Variants in SHC2 observed in about 807,000 individuals in gnomAD.
SHC2 encodes SHC adaptor protein 2, also known as SHC-transforming protein 2.
A neutral mutation model predicts 60.6 loss-of-function variants in SHC2; 62 were observed. That is an observed-to-expected ratio of 1.02 (90% CI 0.83 to 1.26). The LOEUF (loss-of-function observed/expected upper bound fraction) is 1.26, where lower values mean the gene tolerates loss of function less well. Ranked by LOEUF, SHC2 falls within the 50% of genes most tolerant of loss-of-function variation. The pLI is 0.00. For synonymous variants in SHC2, 375 were observed against 372.4 expected, an observed-to-expected ratio of 1.01 and a Z score of -0.08; for missense variants, 873 against 822.2, an observed-to-expected ratio of 1.06 and a Z score of -0.76.
intron 2 of SHC2, among the ~76,000 whole-genome samples, chr19:439,741 T>C (rs1249189739): frequency 6.6e-6 from 1 of 151,776 alleles, no homozygotes; most frequent in Admixed American, 6.6e-5. Context: ...CACAAACAAA[T>C]GCATGCAGGC....
In SHC2 at chr19:441,932, T is replaced by C. The variant is rs1600304610; in HGVS notation, c.469-1000A>G. ...TCAGCCTGAGGGCTTCTGAGGTGTG[T>C]ACAGGTCACTGTGTGGGCCGGCCCA... On this transcript the variant is annotated intron_variant, in intron 1 of 12. Transcript: ENST00000264554. This position sits in a 1 kb window ranked among gnomAD's most constrained non-coding sequence, Gnocchi z 4.9. 1.3e-5 allele frequency among the ~76,000 whole-genome samples: 2 copies of C among 152,244 alleles called. No individual in the cohort carries two copies. Among genetic ancestry groups the C allele is most frequent in the African/African-American group, 4.8e-5 (2 of 41,468 alleles).
At chr19:439,360 G>C in intron 2 of SHC2, 1 of 403,554 alleles carries the variant, frequency 2.5e-6, no homozygotes, top group Non-Finnish European at 4.6e-6. Flanking sequence ...CCAGGGACCA[G>C]TGTGTCCCTG....
Position 422,939 on chromosome 19 carries a change from G to A in SHC2, c.1310-483C>T. 1 of 162,718 alleles carries A rather than the reference G, an allele frequency of 6.1e-6. No individual in the cohort carries two copies. Among genetic ancestry groups the A allele is most frequent in the Non-Finnish European group, 1.3e-5 (1 of 74,796 alleles). The allele number at this position is 162,718 out of a possible 1,614,324, so 10.1% of individuals were successfully genotyped here. Reference sequence around the variant, plus strand: ...ACGGCTTCCAACAATGCCAACATCCGACAGGCCACTCTAAGGCTCTCCTCT... The same window carrying A: ...ACGGCTTCCAACAATGCCAACATCCAACAGGCCACTCTAAGGCTCTCCTCT... On this transcript the variant is annotated intron_variant, in intron 10 of 12. Transcript: ENST00000264554. This position sits in a 1 kb window ranked among gnomAD's most constrained non-coding sequence, Gnocchi z 5.0.
In SHC2 at chr19:436,320, G is replaced by A. The variant is rs554132327; in HGVS notation, c.827-29C>T. On this transcript the variant is annotated intron_variant, in intron 6 of 12. Transcript: ENST00000264554. Reference sequence around the variant, plus strand: ...CGGGCACGTTGGTCATGCAGCCTCCGAGCCACACGGCCGTGCCCCCCAGCC... The same window carrying A: ...CGGGCACGTTGGTCATGCAGCCTCCAAGCCACACGGCCGTGCCCCCCAGCC... 7.3e-5 allele frequency: 116 copies of A among 1,587,700 alleles called. No individual in the cohort carries two copies. In the African/African-American group the frequency reaches 7.8e-4, roughly 11 times the overall value.
chr19:422,565 C>T lies in SHC2; in HGVS notation c.1310-109G>A, dbSNP rs1172657028. On this transcript the variant is annotated intron_variant, in intron 10 of 12. Transcript: ENST00000264554. This position sits in a 1 kb window ranked among gnomAD's most constrained non-coding sequence, Gnocchi z 5.0. ...CCCGGGGAGTCCCTCGTGCACCCGT[C>T]GGCCTGCGCTGACCGAGCGCCCACA... 5.2e-5 allele frequency: 47 copies of T among 911,638 alleles called. No individual in the cohort carries two copies. The highest frequency in any genetic ancestry group is 8.8e-5 in the Admixed American group (3 of 34,254). The allele number at this position is 911,638 out of a possible 1,614,324, so 56.5% of individuals were successfully genotyped here. A position where few individuals can be genotyped will look rare whatever the true frequency, so the allele number is the denominator to read the frequency against.
At position 438,646 on chromosome 19, in the gene SHC2, C is replaced by T; in HGVS notation, c.720+72G>A. ...CCTGCTGCCCGCCCCCAGCACCCCA[C>T]CTGGCTTTGCCTCCTAGGACTCCTG... On this transcript the variant is annotated intron_variant, in intron 4 of 12. Transcript: ENST00000264554. This position sits in a 1 kb window ranked among gnomAD's most constrained non-coding sequence, Gnocchi z 5.0. 6.7e-7 allele frequency: 1 copy of T among 1,501,674 alleles called. No individual in the cohort carries two copies. The highest frequency in any genetic ancestry group is 1.2e-5 in the South Asian group (1 of 80,902). 93.0% of individuals were successfully genotyped at this position (1,501,674 alleles called of 1,614,324 possible). A position where few individuals can be genotyped will look rare whatever the true frequency, so the allele number is the denominator to read the frequency against.
chr19:430,778 T>A, intron 8 of SHC2, 31 bp from the exon 9 acceptor site: 1 of 1,605,906 alleles, frequency 6.2e-7, no homozygotes, highest in East Asian at 2.2e-5. Flanking sequence ...GGTTCCCCGG[T>A]GTGTGCAAGC....
intron 5 of SHC2, 40 bp downstream of exon 5, chr19:436,590 G>T (rs568172318): frequency 2.5e-6 from 4 of 1,594,512 alleles, no homozygotes; most frequent in Non-Finnish European, 8.5e-7. Context: ...GCCGGAGGGG[G>T]GCGGCAGGGC....
In SHC2 at chr19:425,948, G is replaced by C. The variant is rs1162642903; in HGVS notation, c.1175-717C>G. The stretch of plus-strand genomic sequence containing the variant: ...GGAGGCTGAGGCATGAGAATCACTT[G>C]AATTCAGGACGCACAGATTGCAGTG... On this transcript the variant is annotated intron_variant, in intron 9 of 12. Coordinates refer to ENST00000264554, the MANE Select transcript of SHC2 (RefSeq NM_012435.3). This position sits in a 1 kb window ranked among gnomAD's most constrained non-coding sequence, Gnocchi z 4.1. 1.3e-5 allele frequency among the ~76,000 whole-genome samples: 2 copies of C among 149,718 alleles called. No homozygotes were observed. Among genetic ancestry groups the C allele is most frequent in the Non-Finnish European group, 1.5e-5 (1 of 67,782 alleles).
chr19:428,904 A>C (rs1351316945), intron 9 of SHC2, among the ~76,000 whole-genome samples: 1 of 148,526 alleles, frequency 6.7e-6, no homozygotes, highest in East Asian at 2.0e-4. Flanking sequence ...CAGTACCTAT[A>C]TCCCAACATG....
At chr19:421,047 CAAGAAAGAAAGAAAGGA>C (rs1460491289) in intron 11 of SHC2, among the ~76,000 whole-genome samples, 1 of 147,242 alleles carries the variant, frequency 6.8e-6, no homozygotes, top group Non-Finnish European at 1.5e-5. Context: ...GAGACTCCAT[CAAGAAAGAAAGAAAGGA>C]AAGGAAGAAA....
In SHC2 at chr19:445,760, G is replaced by A. The variant is rs1204382450; in HGVS notation, c.469-4828C>T. On this transcript the variant is annotated intron_variant, in intron 1 of 12. Transcript: ENST00000264554. This position sits in a 1 kb window ranked among gnomAD's most constrained non-coding sequence, Gnocchi z 4.4. ...CTTAAAAAACACATTTTTGCCGGGCGCGGTGGCTCACGCCTGTAATCCCAG... is the reference window on the plus strand; with the variant it reads ...CTTAAAAAACACATTTTTGCCGGGCACGGTGGCTCACGCCTGTAATCCCAG... Among the ~76,000 whole-genome samples the A allele has an allele frequency of 2.6e-5, 4 of 152,046 alleles. No individual in the cohort carries two copies. Among genetic ancestry groups the A allele is most frequent in the African/African-American group, 9.7e-5 (4 of 41,414 alleles).
rs374570063 is a variant in SHC2 at position 436,269 on chromosome 19, A to G, written c.849T>C (p.Cys283=). Residue 283 remains cysteine (C), a synonymous_variant, in exon 7 of 13, where the codon TGT becomes TGC. Transcript: ENST00000264554. ...TGATGATGCTCTGTGCCAGGCCCTC[A>G]CAGCACTCCAGGATGTGGCAGGCTG... ...NQRACHILEC[C]EGLAQSIIST... 1.3e-6 allele frequency: 2 copies of G among 1,595,006 alleles called. No individual in the cohort carries two copies. Among genetic ancestry groups the G allele is most frequent in the South Asian group, 1.1e-5 (1 of 88,478 alleles).
chr19:420,171 C>T (rs1014871648), intron 11 of SHC2, among the ~76,000 whole-genome samples: 4 of 152,218 alleles, frequency 2.6e-5, no homozygotes, highest in Non-Finnish European at 5.9e-5. Flanking sequence ...TGGGAAAGAA[C>T]TGAGGTATCA....
chr19:447,412 G>A (rs1026430638), intron 1 of SHC2, among the ~76,000 whole-genome samples: 5 of 152,252 alleles, frequency 3.3e-5, no homozygotes, highest in African/African-American at 1.2e-4. Context: ...CCGTGTGGCT[G>A]CACTAAATAC....
rs1188121231 is a variant in SHC2, at chr19:426,478, C to T, written c.1175-1247G>A. Reference sequence around the variant, plus strand: ...GGACGACACCGAGAGAGGCAGAGTCCGGGGAGGGAGGACGACAGCACGAGA... The same window carrying T: ...GGACGACACCGAGAGAGGCAGAGTCTGGGGAGGGAGGACGACAGCACGAGA... On this transcript the variant is annotated intron_variant, in intron 9 of 12. Coordinates refer to ENST00000264554, the MANE Select transcript of SHC2 (RefSeq NM_012435.3). 2.0e-5 allele frequency among the ~76,000 whole-genome samples: 2 copies of T among 101,876 alleles called. 1 individual carries two copies. The highest frequency in any genetic ancestry group is 4.0e-5 in the Non-Finnish European group (2 of 50,068). 66.8% of individuals were successfully genotyped at this position (101,876 alleles called of 152,430 possible).
chr19:452,576 C>T (rs1006242729), intron 1 of SHC2, among the ~76,000 whole-genome samples: 3 of 148,386 alleles, frequency 2.0e-5, no homozygotes, highest in Middle Eastern at 3.7e-3. Context: ...GGAATTCCTG[C>T]GTAGGTGTGC....
Position 426,055 on chromosome 19 carries a change from C to T in SHC2, c.1175-824G>A, listed in dbSNP as rs551384160. ...AAAAAAAAAAAAAAAAAACTATCCA[C>T]ATGGTTCAAACCGGAACAGCATCGC... On this transcript the variant is annotated intron_variant, in intron 9 of 12. Transcript: ENST00000264554. Among the ~76,000 whole-genome samples, 13 of 151,272 alleles carry T rather than the reference C, an allele frequency of 8.6e-5. No individual in the cohort carries two copies. In the South Asian group the frequency reaches 2.5e-3, roughly 29 times the overall value.
intron 1 of SHC2, among the ~76,000 whole-genome samples, chr19:460,047 T>C (rs1975501661): frequency 6.6e-6 from 1 of 152,206 alleles, no homozygotes; most frequent in South Asian, 2.1e-4. Context: ...AAAGGCCGCT[T>C]CCTTGGCCGC....
Sources: allele counts gnomAD v4.1 joint callset (sites outside exome capture counted in the v4.1 genomes callset), GRCh38; gene constraint gnomAD v4.1.1; non-coding constraint Gnocchi (gnomAD v3.1); transcripts MANE v1.5; gene names NCBI Gene and HGNC (gene_info 2026-07-23, HGNC 2026-07-21).